The following IGFBP5 variants were observed in gnomAD, a reference collection of about 807,000 sequenced individuals.
IGFBP5 encodes insulin-like growth factor-binding protein 5.
Under a neutral mutation model 28.0 loss-of-function variants are expected in IGFBP5, and 12 were observed. The ratio of observed to expected loss-of-function variants is 0.43; its 90% CI spans 0.27 to 0.69. The LOEUF is 0.69. Ranked by LOEUF, IGFBP5 falls within the 30% of genes least tolerant of loss-of-function variation. The pLI is 0.20. For synonymous variants in IGFBP5, 152 were observed against 150.2 expected, an observed-to-expected ratio of 1.01 and a Z score of -0.09; for missense variants, 344 against 381.6, an observed-to-expected ratio of 0.90 and a Z score of 0.82.
rs201718593 is a variant in IGFBP5 at position 216,678,913 on chromosome 2, T to A, written c.504A>T (p.Gly168=). 4 of 1,613,950 alleles carry A rather than the reference T, an allele frequency of 2.5e-6. No homozygotes were observed. Among genetic ancestry groups the A allele is most frequent in the Non-Finnish European group, 3.4e-6 (4 of 1,180,026 alleles). Residue 168 remains glycine, a synonymous_variant, in exon 2 of 4, where the codon GGA becomes GGT. Coordinates refer to ENST00000233813, the MANE Select transcript of IGFBP5 (RefSeq NM_000599.4). ...KKLTQSKFVG[G]AENTAHPRII... is the part of the protein sequence containing the mutation. ...TCCGGGGGTGGGCAGTGTTCTCGGC[T>A]CCCCCGACAAACTTGGACTGGGTCA...
At chr2:216,684,273 G>A (rs1357485724) in intron 1 of IGFBP5, among the ~76,000 whole-genome samples, 2 of 152,208 alleles carry the variant, frequency 1.3e-5, no homozygotes, top group Non-Finnish European at 2.9e-5. Context: ...AGCAATGGAT[G>A]GATCCAGGAG....
rs556147272 is a variant in IGFBP5, at chr2:216,676,636, T to G, written c.*115A>C. 3.9e-5 allele frequency: 26 copies of G among 664,236 alleles called. No homozygotes were observed. The East Asian group carries it at 5.5e-4, about 14-fold the overall frequency. The allele number at this position is 664,236 out of a possible 1,614,324, so 41.1% of individuals were successfully genotyped here. On this transcript the variant is annotated 3_prime_UTR_variant, in exon 4 of 4. Coordinates refer to ENST00000233813, the MANE Select transcript of IGFBP5 (RefSeq NM_000599.4). ...CTCAGTTTCCTCAAATAGATAGATATATATTTTTCCCTTAAATGAGATGAA... is the reference window on the plus strand; with the variant it reads ...CTCAGTTTCCTCAAATAGATAGATAGATATTTTTCCCTTAAATGAGATGAA...
intron 1 of IGFBP5, among the ~76,000 whole-genome samples, chr2:216,683,193 C>T (rs762743864): frequency 3.9e-5 from 6 of 152,054 alleles, no homozygotes; most frequent in African/African-American, 1.2e-4. Context: ...TAGAGGCGTG[C>T]GCCTCTAGTC....
intron 1 of IGFBP5, among the ~76,000 whole-genome samples, chr2:216,691,715 C>G (rs1024795424): frequency 1.3e-5 from 2 of 152,092 alleles, no homozygotes; most frequent in Admixed American, 1.3e-4. Context: ...CTCTCTTCTG[C>G]TCCCCATTTC....
At position 216,689,585 on chromosome 2, in the gene IGFBP5, G is replaced by A. The variant is rs1419740453; in HGVS notation, c.337+4854C>T. 3.3e-5 allele frequency among the ~76,000 whole-genome samples: 5 copies of A among 152,236 alleles called. No individual in the cohort carries two copies. The East Asian group carries it at 9.6e-4, about 29-fold the overall frequency. On this transcript the variant is annotated intron_variant, in intron 1 of 3. Coordinates refer to ENST00000233813, the MANE Select transcript of IGFBP5 (RefSeq NM_000599.4). ...CAGGTTAGCCCAGGTCCAGGCATGA[G>A]CCCCAGTGACTAGCGAGAAAGCCAG... is the stretch of plus-strand genomic sequence containing the variant.
rs1444304838 is a variant in IGFBP5 at position 216,674,089 on chromosome 2, G to T, written c.*2662C>A. ...TCCGTGAAGAGAGAGCCCCTCTCAAGAATTAGGTCCAGGCTGGGAGGAATG... is the reference window on the plus strand; with the variant it reads ...TCCGTGAAGAGAGAGCCCCTCTCAATAATTAGGTCCAGGCTGGGAGGAATG... On this transcript the variant is annotated 3_prime_UTR_variant, in exon 4 of 4. Coordinates refer to ENST00000233813, the MANE Select transcript of IGFBP5 (RefSeq NM_000599.4). This position sits in a 1 kb window ranked among gnomAD's most constrained non-coding sequence, Gnocchi z 4.4. 1 of 152,788 alleles carries T rather than the reference G, an allele frequency of 6.5e-6. No homozygotes were observed. Among genetic ancestry groups the T allele is most frequent in the Non-Finnish European group, 1.5e-5 (1 of 68,114 alleles). 9.5% of individuals were successfully genotyped at this position (152,788 alleles called of 1,614,324 possible). A position where few individuals can be genotyped will look rare whatever the true frequency, so the allele number is the denominator to read the frequency against.
At position 216,694,586 on chromosome 2, in the gene IGFBP5, C is replaced by A; in HGVS notation, c.190G>T (p.Gly64Trp). Residue 64 changes from glycine to tryptophan, a missense_variant, in exon 1 of 4, where the codon GGG becomes TGG. Around this residue, in one of 3 missense-constraint regions of IGFBP5, gnomAD observed 304 missense variants for 329.2 expected, o/e 0.92. Transcript: ENST00000233813. The surrounding 1 kb of genome is among the most constrained non-coding windows in gnomAD (Gnocchi z 5.2). ...TCGGTGTAGACGCCGCACGACTGCC[C>A]CTCGGCCAGGGCGCAGGTCATGCAG... ...GCCMTCALAE[G>W]QSCGVYTERC... The A allele has an allele frequency of 6.4e-7, 1 of 1,552,320 alleles. No homozygotes were observed. Among genetic ancestry groups the A allele is most frequent in the South Asian group, 1.2e-5 (1 of 84,396 alleles).
At chr2:216,688,125 T>C (rs1476367983) in intron 1 of IGFBP5, among the ~76,000 whole-genome samples, 1 of 152,188 alleles carries the variant, frequency 6.6e-6, no homozygotes, top group East Asian at 1.9e-4. Context: ...ATTTATTTAA[T>C]ATTTATTTAA....
chr2:216,694,858 G>T lies in IGFBP5; in HGVS notation c.-83C>A. On this transcript the variant is annotated 5_prime_UTR_variant, in exon 1 of 4. Transcript: ENST00000233813. This position sits in a 1 kb window ranked among gnomAD's most constrained non-coding sequence, Gnocchi z 5.2. ...TAAAGGGGCCAAGAGGGCCCCCGGA[G>T]ATTTTTTTGTTTTTGTTTTTGTTTT... 15 of 995,058 alleles carry T rather than the reference G, an allele frequency of 1.5e-5. No homozygotes were observed. The highest frequency in any genetic ancestry group is 2.0e-5 in the Non-Finnish European group (15 of 760,276). 61.6% of individuals were successfully genotyped at this position (995,058 alleles called of 1,614,324 possible). A position where few individuals can be genotyped will look rare whatever the true frequency, so the allele number is the denominator to read the frequency against.
chr2:216,695,492 A>G lies in IGFBP5; in HGVS notation c.-717T>C, dbSNP rs1275515237. The G allele has an allele frequency of 2.6e-5, 4 of 152,198 alleles. No individual in the cohort carries two copies. Among genetic ancestry groups the G allele is most frequent in the Non-Finnish European group, 5.9e-5 (4 of 68,036 alleles). 9.4% of individuals were successfully genotyped at this position (152,198 alleles called of 1,614,324 possible). A position where few individuals can be genotyped will look rare whatever the true frequency, so the allele number is the denominator to read the frequency against. ...GGAGCAAAAAAGGGAAAAAGCCCAC[A>G]CTGCTTTGCAGCTCTTTCCTAGCTC... On this transcript the variant is annotated 5_prime_UTR_variant, in exon 1 of 4. Coordinates refer to ENST00000233813, the MANE Select transcript of IGFBP5 (RefSeq NM_000599.4).
chr2:216,692,362 CGTGTGTGTGTGTGTGT>C lies in IGFBP5; in HGVS notation c.337+2061_337+2076del, dbSNP rs59144401. On this transcript the variant is annotated intron_variant, in intron 1 of 3. Transcript: ENST00000233813. This position sits in a 1 kb window ranked among gnomAD's most constrained non-coding sequence, Gnocchi z 4.2. ...GGGATCTTGCTTGGGACTGAAGTGT[CGTGTGTGTGTGTGTGT>C]GTGTGTGTGTGTGTGTGTGTGTGTG... Among the ~76,000 whole-genome samples, 28 of 142,534 alleles carry C rather than the reference CGTGTGTGTGTGTGTGT, an allele frequency of 2.0e-4. No homozygotes were observed. The highest frequency in any genetic ancestry group is 4.8e-4 in the South Asian group (2 of 4,176). 93.5% of individuals were successfully genotyped at this position (142,534 alleles called of 152,430 possible). A position where few individuals can be genotyped will look rare whatever the true frequency, so the allele number is the denominator to read the frequency against.
At chr2:216,693,152 C>CT (rs56749026) in intron 1 of IGFBP5, among the ~76,000 whole-genome samples, 45,006 of 147,106 alleles carry the variant, frequency 0.31, 7,344 homozygotes, top group African/African-American at 0.45. Context: ...GTTTATTTAA[C>CT]TTTTTTTTTT....
chr2:216,677,148 A>G (rs1197815514), intron 3 of IGFBP5, among the ~76,000 whole-genome samples: 1 of 149,970 alleles, frequency 6.7e-6, no homozygotes. Flanking sequence ...TATGTTGCCC[A>G]GGTTGGTCTA....
intron 1 of IGFBP5, among the ~76,000 whole-genome samples, chr2:216,683,514 G>A (rs1449527045): frequency 1.3e-5 from 2 of 152,246 alleles, no homozygotes; most frequent in Non-Finnish European, 2.9e-5. Context: ...GAGGCCCGGA[G>A]AGAACCCATG....
At chr2:216,691,819 A>G (rs1037935541) in intron 1 of IGFBP5, among the ~76,000 whole-genome samples, 1 of 144,084 alleles carries the variant, frequency 6.9e-6, no homozygotes, top group Non-Finnish European at 1.5e-5. Context: ...ATATATAATT[A>G]TATAGATATA....
Position 216,694,087 on chromosome 2 carries a change from G to A in IGFBP5, c.337+352C>T, listed in dbSNP as rs565413935. On this transcript the variant is annotated intron_variant, in intron 1 of 3. Coordinates refer to ENST00000233813, the MANE Select transcript of IGFBP5 (RefSeq NM_000599.4). This position sits in a 1 kb window ranked among gnomAD's most constrained non-coding sequence, Gnocchi z 5.2. ...CGCGAGGGGGGTGGAGGAGGGAGTT[G>A]ATAATGTAACATACACTCTTTCAGA... Among the ~76,000 whole-genome samples, 71 of 151,684 alleles carry A rather than the reference G, an allele frequency of 4.7e-4. No individual in the cohort carries two copies. The highest frequency in any genetic ancestry group is 9.0e-4 in the Non-Finnish European group (61 of 67,946).
intron 1 of IGFBP5, among the ~76,000 whole-genome samples, chr2:216,685,288 T>C (rs547077688): frequency 6.7e-5 from 10 of 150,006 alleles, no homozygotes; most frequent in Non-Finnish European, 1.3e-4. Flanking sequence ...AAAAAAAAAG[T>C]ATATATTTAA....
intron 1 of IGFBP5, among the ~76,000 whole-genome samples, chr2:216,689,363 G>C (rs1689067223): frequency 6.6e-6 from 1 of 152,178 alleles, no homozygotes; most frequent in Non-Finnish European, 1.5e-5. Flanking sequence ...CAAACCACTA[G>C]CCTAAGCCAG....
chr2:216,680,219 C>G (rs1239488342), intron 1 of IGFBP5, among the ~76,000 whole-genome samples: 1 of 152,126 alleles, frequency 6.6e-6, no homozygotes, highest in Non-Finnish European at 1.5e-5. Flanking sequence ...CATTGCCTCC[C>G]TCTTTTTTCA....
Sources: gnomAD v4.1 joint callset for allele counts (sites outside exome capture counted in the v4.1 genomes callset) on GRCh38, gnomAD v4.1.1 for gene constraint, gnomAD v4.1.1 regional missense constraint, Gnocchi (gnomAD v3.1) non-coding constraint, MANE v1.5 for transcripts, NCBI Gene and HGNC (gene_info 2026-07-23, HGNC 2026-07-21) for gene names.